Variants in RBKS observed in about 807,000 individuals in gnomAD.
The protein encoded by RBKS is ribokinase.
Under a neutral mutation model 33.9 loss-of-function variants are expected in RBKS, and 33 were observed. The observed-to-expected ratio is 0.97, with a 90% CI of 0.74 to 1.30. The LOEUF (loss-of-function observed/expected upper bound fraction) is 1.30. Among genes scored for constraint, RBKS ranks in the 50% most tolerant of loss-of-function variants. The pLI, the probability that RBKS is intolerant of heterozygous loss-of-function variation, is 0.00. For synonymous variants in RBKS, 125 were observed against 143.0 expected, an observed-to-expected ratio of 0.87 and a Z score of 0.90; for missense variants, 361 against 392.6, an observed-to-expected ratio of 0.92 and a Z score of 0.68.
intron 7 of RBKS, among the ~76,000 whole-genome samples, chr2:27,791,312 G>GGAA (rs1677516314): frequency 6.6e-6 from 1 of 152,104 alleles, no homozygotes. Flanking sequence ...CAGTGTTTCT[G>GGAA]GAAGAGACTG....
chr2:27,801,985 T>TA (rs1677802449), intron 7 of RBKS, among the ~76,000 whole-genome samples: 1 of 99,904 alleles, frequency 1.0e-5, no homozygotes, highest in Non-Finnish European at 1.9e-5. Flanking sequence ...TATATATATA[T>TA]ATATATATTT....
intron 5 of RBKS, among the ~76,000 whole-genome samples, chr2:27,839,064 C>A (rs1275653584): frequency 6.6e-6 from 1 of 152,152 alleles, no homozygotes; most frequent in Non-Finnish European, 1.5e-5. Flanking sequence ...TGAGTGAAGA[C>A]ACTGTGAGCA....
In RBKS at chr2:27,810,930, G is replaced by T. The variant is rs570252744; in HGVS notation, c.795+16637C>A. 9.9e-4 allele frequency among the ~76,000 whole-genome samples: 151 copies of T among 152,176 alleles called. 1 individual carries two copies. The highest frequency in any genetic ancestry group is 3.6e-3 in the African/African-American group (149 of 41,514). Reference sequence around the variant, plus strand: ...GATCAAATGTATCCCTTGCTTAAATGGCTCCCCATTGCCCTCAGAAGTGTG... The same window carrying T: ...GATCAAATGTATCCCTTGCTTAAATTGCTCCCCATTGCCCTCAGAAGTGTG... On this transcript the variant is annotated intron_variant, in intron 7 of 7. Coordinates refer to ENST00000302188, the MANE Select transcript of RBKS (RefSeq NM_022128.3). The surrounding 1 kb of genome is among the most constrained non-coding windows in gnomAD (Gnocchi z 4.4).
rs1266508226 is a variant in RBKS at position 27,843,248 on chromosome 2, C to CCT, written c.350-19_350-18dup. Reference sequence around the variant, plus strand: ...TATTCTGGCCTATAAAGAAATTCCACCTATTATATTAAAACTAAACAAAGC... The same window carrying CCT: ...TATTCTGGCCTATAAAGAAATTCCACCTCTATTATATTAAAACTAAACAAAGC... On this transcript the variant is annotated splice_polypyrimidine_tract_variant and intron_variant, in intron 4 of 7. Transcript: ENST00000302188. 6.3e-7 allele frequency: 1 copy of CCT among 1,585,792 alleles called. No homozygotes were observed. Among genetic ancestry groups the CCT allele is most frequent in the Non-Finnish European group, 8.6e-7 (1 of 1,163,738 alleles).
chr2:27,850,559 G>A (rs1402297635), intron 2 of RBKS, among the ~76,000 whole-genome samples: 3 of 152,204 alleles, frequency 2.0e-5, no homozygotes, highest in Non-Finnish European at 4.4e-5. Flanking sequence ...ATATCATACA[G>A]TTGTAATTAC....
intron 3 of RBKS, among the ~76,000 whole-genome samples, chr2:27,847,406 C>T (rs549781143): frequency 6.6e-6 from 1 of 152,336 alleles, no homozygotes; most frequent in East Asian, 1.9e-4. Context: ...TCTAGACCAA[C>T]ACACTTATGT....
At chr2:27,865,468 T>G (rs1290811531) in intron 1 of RBKS, among the ~76,000 whole-genome samples, 1 of 152,160 alleles carries the variant, frequency 6.6e-6, no homozygotes, top group East Asian at 1.9e-4. Context: ...TACATGACAT[T>G]ACAATACTCA....
chr2:27,818,595 C>G (rs957419143), intron 7 of RBKS, among the ~76,000 whole-genome samples: 3 of 152,172 alleles, frequency 2.0e-5, no homozygotes, highest in Admixed American at 1.3e-4. Context: ...GTTGCCTCCT[C>G]CCTCAAACAG....
At chr2:27,878,376 C>T (rs1027129207) in intron 1 of RBKS, among the ~76,000 whole-genome samples, 99 of 150,674 alleles carry the variant, frequency 6.6e-4, no homozygotes, top group Non-Finnish European at 1.2e-3. Flanking sequence ...TTTTTTATGG[C>T]TGCATAGTAT....
intron 1 of RBKS, among the ~76,000 whole-genome samples, chr2:27,860,112 C>A (rs1207105158): frequency 6.6e-6 from 1 of 152,030 alleles, no homozygotes; most frequent in Admixed American, 6.6e-5. Context: ...CTATTTTTAT[C>A]TTGGATTCTA....
At chr2:27,883,917 T>C (rs557288391) in intron 1 of RBKS, among the ~76,000 whole-genome samples, 27 of 152,274 alleles carry the variant, frequency 1.8e-4, no homozygotes, top group South Asian at 4.1e-4. Flanking sequence ...CCATGAATGA[T>C]TACTTTTGAT....
intron 1 of RBKS, among the ~76,000 whole-genome samples, chr2:27,886,561 G>A (rs1277823342): frequency 1.3e-5 from 2 of 152,074 alleles, no homozygotes; most frequent in African/African-American, 4.8e-5. Context: ...AGAGTTAGAG[G>A]TAGAATGATA....
intron 7 of RBKS, among the ~76,000 whole-genome samples, chr2:27,814,599 A>G (rs533012024): frequency 1.1e-4 from 17 of 152,362 alleles, no homozygotes; most frequent in African/African-American, 4.1e-4. Flanking sequence ...AGAGAATACT[A>G]AATGAAGGAA....
In RBKS at chr2:27,810,093, T is replaced by G; in HGVS notation, c.795+17474A>C. 1 of 1,302,908 alleles carries G rather than the reference T, an allele frequency of 7.7e-7. No individual in the cohort carries two copies. The highest frequency in any genetic ancestry group is 1.2e-5 in the South Asian group (1 of 80,732). 80.7% of individuals were successfully genotyped at this position (1,302,908 alleles called of 1,614,324 possible). A position where few individuals can be genotyped will look rare whatever the true frequency, so the allele number is the denominator to read the frequency against. On this transcript the variant is annotated intron_variant, in intron 7 of 7. Transcript: ENST00000302188. This position sits in a 1 kb window ranked among gnomAD's most constrained non-coding sequence, Gnocchi z 4.4. ...TGAGCAATTGTTCTGTGAATCTAAC[T>G]GCATTGAAAGCTGGTGTGGATGATT...
intron 7 of RBKS, among the ~76,000 whole-genome samples, chr2:27,811,240 G>A: frequency 6.6e-6 from 1 of 152,152 alleles, no homozygotes; most frequent in East Asian, 1.9e-4. Context: ...GCATCACCAT[G>A]GGACTTCTCA....
chr2:27,877,186 T>C (rs187545917), intron 1 of RBKS, among the ~76,000 whole-genome samples: 29 of 152,276 alleles, frequency 1.9e-4, no homozygotes, highest in African/African-American at 6.7e-4. Flanking sequence ...CAAGTTTCTT[T>C]GCTACTCTGA....
At chr2:27,799,725 C>T (rs936681631) in intron 7 of RBKS, among the ~76,000 whole-genome samples, 4 of 152,260 alleles carry the variant, frequency 2.6e-5, no homozygotes, top group African/African-American at 9.6e-5. Context: ...CCAACAGGGT[C>T]AGCCTTGCTG....
At chr2:27,839,756 G>C (rs1382890244) in intron 5 of RBKS, among the ~76,000 whole-genome samples, 1 of 152,132 alleles carries the variant, frequency 6.6e-6, no homozygotes, top group Non-Finnish European at 1.5e-5. Flanking sequence ...TCAGCACATA[G>C]GCAGCTTCCT....
At chr2:27,816,846 C>T (rs1359498261) in intron 7 of RBKS, among the ~76,000 whole-genome samples, 1 of 152,216 alleles carries the variant, frequency 6.6e-6, no homozygotes, top group Non-Finnish European at 1.5e-5. Flanking sequence ...ATCCACCCGC[C>T]TTGGCCTCCC....
Sources: allele counts gnomAD v4.1 joint callset (sites outside exome capture counted in the v4.1 genomes callset), GRCh38; gene constraint gnomAD v4.1.1; non-coding constraint Gnocchi (gnomAD v3.1); transcripts MANE v1.5; gene names NCBI Gene and HGNC (gene_info 2026-07-23, HGNC 2026-07-21).